The following TTLL5 variants were observed in gnomAD, a reference collection of about 807,000 sequenced individuals.
TTLL5 encodes the protein tubulin tyrosine ligase like 5.
In TTLL5, 132 loss-of-function variants were observed where a neutral mutation model predicts 168.4. That is an observed-to-expected ratio of 0.78 (90% CI 0.68 to 0.91). TTLL5 has a LOEUF of 0.91. Among genes scored for constraint, TTLL5 ranks in the 40% least tolerant of loss-of-function variants. The probability of loss-of-function intolerance (pLI) is 0.00; values close to 1 mark genes in which losing one functional copy is unlikely to be tolerated. For missense variants in TTLL5, 1,545 were observed against 1,581.5 expected (o/e 0.98, Z 0.39); for synonymous variants, 546 against 558.6 (o/e 0.98, Z 0.32).
At chr14:75,920,709 A>G (rs923721558) in intron 31 of TTLL5, among the ~76,000 whole-genome samples, 2 of 152,232 alleles carry the variant, frequency 1.3e-5, no homozygotes, top group Non-Finnish European at 2.9e-5. Flanking sequence ...CAGTAAACAT[A>G]CAAGTGCATG....
At chr14:75,682,982 G>A (rs779303243) in intron 4 of TTLL5, among the ~76,000 whole-genome samples, 1 of 151,986 alleles carries the variant, frequency 6.6e-6, no homozygotes, top group Non-Finnish European at 1.5e-5. Flanking sequence ...TATGTTGCTA[G>A]GATAGTCTCA....
intron 5 of TTLL5, chr14:75,689,940 T>C (rs1885328501): frequency 2.7e-6 from 1 of 372,832 alleles, no homozygotes; most frequent in African/African-American, 2.2e-5. Context: ...TTGTCCAAAC[T>C]CATAGAATTA....
intron 6 of TTLL5, among the ~76,000 whole-genome samples, chr14:75,698,084 A>G (rs1192404508): frequency 6.6e-6 from 1 of 152,142 alleles, no homozygotes; most frequent in Non-Finnish European, 1.5e-5. Context: ...CACCTGACGT[A>G]TTTCATCAAA....
chr14:75,856,923 C>T (rs1897160981), intron 28 of TTLL5, among the ~76,000 whole-genome samples: 1 of 151,998 alleles, frequency 6.6e-6, no homozygotes, highest in Non-Finnish European at 1.5e-5. Flanking sequence ...CACACCCAGC[C>T]GAGTTGTATT....
At chr14:75,835,381 G>T (rs369103946) in intron 28 of TTLL5, 12 of 152,310 alleles carry the variant, frequency 7.9e-5, no homozygotes, top group African/African-American at 2.6e-4. Flanking sequence ...TGGCTGTTTT[G>T]AGTATTGCTA....
At chr14:75,823,493 G>A (rs1894950609) in intron 28 of TTLL5, among the ~76,000 whole-genome samples, 1 of 152,204 alleles carries the variant, frequency 6.6e-6, no homozygotes, top group Non-Finnish European at 1.5e-5. Flanking sequence ...CAGCTTGGCA[G>A]GAACCTGAGG....
rs111465263 is a variant in TTLL5, at chr14:75,903,806, G to A, written c.3823+1582G>A. Reference sequence around the variant, plus strand: ...GCTACTCAAGAGGCTGAGGTGGGAGGATCACTTGAGCCCAGGAATTCAAGG... The same window carrying A: ...GCTACTCAAGAGGCTGAGGTGGGAGAATCACTTGAGCCCAGGAATTCAAGG... On this transcript the variant is annotated intron_variant, in intron 31 of 31. Coordinates refer to ENST00000298832, the MANE Select transcript of TTLL5 (RefSeq NM_015072.5). 5.7e-3 allele frequency among the ~76,000 whole-genome samples: 867 copies of A among 151,436 alleles called. 9 individuals carry two copies. Among genetic ancestry groups the A allele is most frequent in the African/African-American group, 0.021 (845 of 41,190 alleles).
At chr14:75,851,662 A>G (rs1196087128) in intron 28 of TTLL5, among the ~76,000 whole-genome samples, 1 of 152,190 alleles carries the variant, frequency 6.6e-6, no homozygotes, top group Non-Finnish European at 1.5e-5. Context: ...AGCAGGGGCC[A>G]CCGTGCAGCC....
intron 18 of TTLL5, among the ~76,000 whole-genome samples, chr14:75,754,161 T>C (rs1275990589): frequency 2.6e-5 from 4 of 152,202 alleles, no homozygotes; most frequent in Non-Finnish European, 5.9e-5. Flanking sequence ...TAGGGGTGTT[T>C]AATTAAGTTT....
At chr14:75,783,605 TC>T in intron 26 of TTLL5, 75 bp downstream of exon 26, 1 of 1,531,470 alleles carries the variant, frequency 6.5e-7, no homozygotes, top group Admixed American at 2.1e-5. Flanking sequence ...TGTCATCTCT[TC>T]CCTTTGCCTT....
At chr14:75,770,397 C>G (rs757315447) in intron 20 of TTLL5, among the ~76,000 whole-genome samples, 25 of 152,104 alleles carry the variant, frequency 1.6e-4, no homozygotes, top group Non-Finnish European at 2.8e-4. Flanking sequence ...GACTGGAGCC[C>G]TCTTAAGATG....
chr14:75,848,126 G>C lies in TTLL5; in HGVS notation c.3327-15541G>C, dbSNP rs182704414. Among the ~76,000 whole-genome samples the C allele has an allele frequency of 1.7e-4, 26 of 152,046 alleles. No homozygotes were observed. The East Asian group carries it at 1.7e-3, about 10-fold the overall frequency. On this transcript the variant is annotated intron_variant, in intron 28 of 31. Transcript: ENST00000298832. Reference sequence around the variant, plus strand: ...ATTTCCCTTGGCCAACTGAAGGAAGGGGGCAGAGGCAGGTTACTGGAGCCA... The same window carrying C: ...ATTTCCCTTGGCCAACTGAAGGAAGCGGGCAGAGGCAGGTTACTGGAGCCA...
At chr14:75,707,806 T>A in intron 9 of TTLL5, 99 bp downstream of exon 9, 1 of 1,031,012 alleles carries the variant, frequency 9.7e-7, no homozygotes, top group Non-Finnish European at 1.5e-6. Flanking sequence ...CAGATCATGC[T>A]ATTTTTACTT....
At chr14:75,667,650 C>T (rs913630302) in intron 2 of TTLL5, among the ~76,000 whole-genome samples, 5 of 151,964 alleles carry the variant, frequency 3.3e-5, no homozygotes, top group East Asian at 1.9e-4. Context: ...TTGCTTTCTT[C>T]ACTAGAAAGC....
At chr14:75,727,362 A>C (rs1005309561) in intron 12 of TTLL5, among the ~76,000 whole-genome samples, 10 of 152,244 alleles carry the variant, frequency 6.6e-5, no homozygotes, top group Middle Eastern at 3.2e-3. Flanking sequence ...CAGCTAGAGA[A>C]AGGAACGAAC....
At chr14:75,839,881 TTTA>T (rs1896127710) in intron 28 of TTLL5, among the ~76,000 whole-genome samples, 1 of 152,204 alleles carries the variant, frequency 6.6e-6, no homozygotes, top group Admixed American at 6.5e-5. Context: ...GAAATCTCTG[TTTA>T]AGTTTTTTGG....
chr14:75,699,037 A>ACTT, intron 6 of TTLL5, 151 bp from the exon 7 acceptor site: 1 of 651,360 alleles, frequency 1.5e-6, no homozygotes, highest in Non-Finnish European at 2.7e-6. Context: ...CCAAAAATAC[A>ACTT]GGTAATTTTA....
chr14:75,670,219 A>G (rs1341322371), intron 3 of TTLL5, among the ~76,000 whole-genome samples: 1 of 148,594 alleles, frequency 6.7e-6, no homozygotes, highest in Non-Finnish European at 1.5e-5. Context: ...TTTTTTTTTA[A>G]TTTTGTTTTT....
At chr14:75,919,278 C>T (rs2033738807) in intron 31 of TTLL5, among the ~76,000 whole-genome samples, 1 of 150,182 alleles carries the variant, frequency 6.7e-6, no homozygotes, top group African/African-American at 2.4e-5. Context: ...CTGAGATTCT[C>T]CAAAAAGAAT....
Sources: allele counts gnomAD v4.1 joint callset (sites outside exome capture counted in the v4.1 genomes callset), GRCh38; gene constraint gnomAD v4.1.1; transcripts MANE v1.5; gene names NCBI Gene and HGNC (gene_info 2026-07-23, HGNC 2026-07-21).